The following FGF14 variants were observed in gnomAD, a reference collection of about 807,000 sequenced individuals.
FGF14 encodes the protein fibroblast growth factor 14.
In FGF14, 5 loss-of-function variants were observed where a neutral mutation model predicts 25.5. That is an observed-to-expected ratio of 0.20 (90% CI 0.10 to 0.41). The LOEUF is 0.41. Ranked by LOEUF, FGF14 falls within the 10% of genes least tolerant of loss-of-function variation. FGF14 has a pLI of 1.00. For synonymous variants in FGF14, 138 were observed against 118.3 expected (o/e 1.17, Z -1.08); for missense variants, 222 against 320.1 (o/e 0.69, Z 2.34).
At chr13:102,110,268 G>A (rs1259852918) in intron 1 of FGF14, among the ~76,000 whole-genome samples, 1 of 152,146 alleles carries the variant, frequency 6.6e-6, no homozygotes, top group Non-Finnish European at 1.5e-5. Context: ...CCAAAGCTGT[G>A]CACAGTGTTT....
In FGF14 at chr13:101,975,814, C is replaced by A. The variant is rs900889599; in HGVS notation, c.209-100518G>T. On this transcript the variant is annotated intron_variant, in intron 1 of 4. Transcript: ENST00000376131. The stretch of plus-strand genomic sequence containing the variant: ...AGCACAGGTTTCATAAAGCCCTTGA[C>A]CCTTCCATCACTATATCCTGTTTTT... 7.9e-5 allele frequency among the ~76,000 whole-genome samples: 12 copies of A among 152,182 alleles called. 1 individual carries two copies. The highest frequency in any genetic ancestry group is 2.9e-5 in the Non-Finnish European group (2 of 68,032).
chr13:102,333,387 C>T (rs2056692286), intron 1 of FGF14, among the ~76,000 whole-genome samples: 2 of 152,002 alleles, frequency 1.3e-5, no homozygotes, highest in South Asian at 4.1e-4. Context: ...GAAAGCTGGC[C>T]CATAAAACAG....
At chr13:102,312,607 G>C (rs1266892055) in intron 1 of FGF14, among the ~76,000 whole-genome samples, 6 of 152,176 alleles carry the variant, frequency 3.9e-5, no homozygotes, top group Non-Finnish European at 7.3e-5. Context: ...ATTAATCCTA[G>C]TGCTGTTAGG....
intron 1 of FGF14, among the ~76,000 whole-genome samples, chr13:102,022,173 CT>C (rs1438754895): frequency 6.6e-6 from 1 of 152,038 alleles, no homozygotes; most frequent in Non-Finnish European, 1.5e-5. Flanking sequence ...AAAGAGCTTC[CT>C]TTTTAATCTG....
chr13:101,992,773 A>G (rs2038975527), intron 1 of FGF14, among the ~76,000 whole-genome samples: 1 of 152,106 alleles, frequency 6.6e-6, no homozygotes, highest in Admixed American at 6.6e-5. Flanking sequence ...GTCAATAGAA[A>G]TTTCCAAAAT....
At chr13:102,159,944 A>G (rs993516853) in intron 1 of FGF14, among the ~76,000 whole-genome samples, 1 of 152,168 alleles carries the variant, frequency 6.6e-6, no homozygotes, top group Admixed American at 6.5e-5. Flanking sequence ...ACTCCTAAAT[A>G]TGCTATGTCA....
intron 1 of FGF14, among the ~76,000 whole-genome samples, chr13:102,299,061 A>C (rs1428142042): frequency 1.3e-5 from 2 of 152,154 alleles, no homozygotes; most frequent in Non-Finnish European, 2.9e-5. Context: ...TTTCTCAATG[A>C]TGGTGATAAA....
intron 1 of FGF14, among the ~76,000 whole-genome samples, chr13:102,251,604 C>T (rs1314414664): frequency 1.3e-5 from 2 of 152,130 alleles, no homozygotes; most frequent in Non-Finnish European, 2.9e-5. Flanking sequence ...GTAGAGATGC[C>T]AGCCATCGAG....
At chr13:101,930,440 T>C (rs1225027792) in intron 1 of FGF14, among the ~76,000 whole-genome samples, 2 of 152,206 alleles carry the variant, frequency 1.3e-5, no homozygotes, top group African/African-American at 4.8e-5. Flanking sequence ...CATATCCTAG[T>C]GTTAATACTG....
At chr13:102,249,531 T>C (rs2052057129) in intron 1 of FGF14, among the ~76,000 whole-genome samples, 2 of 149,616 alleles carry the variant, frequency 1.3e-5, no homozygotes, top group Non-Finnish European at 3.0e-5. Context: ...CAGAGAATTA[T>C]GGTATGGTAC....
At chr13:102,096,256 T>G (rs2044394604) in intron 1 of FGF14, among the ~76,000 whole-genome samples, 1 of 152,072 alleles carries the variant, frequency 6.6e-6, no homozygotes, top group Non-Finnish European at 1.5e-5. Flanking sequence ...ATGCTGATGA[T>G]GCTGATGTCC....
intron 3 of FGF14, among the ~76,000 whole-genome samples, chr13:101,866,074 T>C (rs887506336): frequency 6.6e-6 from 1 of 151,970 alleles, no homozygotes; most frequent in Non-Finnish European, 1.5e-5. Context: ...TTAAATGTAA[T>C]AAATATAAAA....
chr13:102,281,657 T>G (rs2053837651), intron 1 of FGF14, among the ~76,000 whole-genome samples: 1 of 152,064 alleles, frequency 6.6e-6, no homozygotes, highest in Admixed American at 6.5e-5. Context: ...TCTGTTTATC[T>G]TACGTATTCC....
chr13:102,169,701 C>A (rs2048168088), intron 1 of FGF14, among the ~76,000 whole-genome samples: 1 of 152,002 alleles, frequency 6.6e-6, no homozygotes, highest in Non-Finnish European at 1.5e-5. Flanking sequence ...CTGCTTAAAA[C>A]CTCCACTCAA....
chr13:101,859,629 C>T (rs535622235), intron 3 of FGF14, among the ~76,000 whole-genome samples: 1 of 152,076 alleles, frequency 6.6e-6, no homozygotes, highest in Non-Finnish European at 1.5e-5. Context: ...TCTTGCAAAC[C>T]CTTTTGTTAG....
intron 1 of FGF14, among the ~76,000 whole-genome samples, chr13:102,207,889 T>C (rs2050002987): frequency 6.6e-6 from 1 of 152,172 alleles, no homozygotes; most frequent in Non-Finnish European, 1.5e-5. Flanking sequence ...AGTTCCTCCA[T>C]CTACACTACA....
intron 1 of FGF14, among the ~76,000 whole-genome samples, chr13:102,124,512 T>C (rs1297548563): frequency 6.6e-6 from 1 of 152,114 alleles, no homozygotes; most frequent in East Asian, 1.9e-4. Context: ...TGGAAGGTTT[T>C]GGTATTCACT....
At chr13:102,387,949 C>T (rs140137645) in intron 1 of FGF14, among the ~76,000 whole-genome samples, 36 of 152,158 alleles carry the variant, frequency 2.4e-4, no homozygotes, top group African/African-American at 8.2e-4. Flanking sequence ...AGGATGGTCT[C>T]GATCTCTTGA....
At chr13:102,157,782 G>A (rs1160313759) in intron 1 of FGF14, among the ~76,000 whole-genome samples, 1 of 152,056 alleles carries the variant, frequency 6.6e-6, no homozygotes, top group African/African-American at 2.4e-5. Context: ...TCTGACAAAG[G>A]GCTAATATCC....
Sources: gnomAD v4.1 joint callset for allele counts (sites outside exome capture counted in the v4.1 genomes callset) on GRCh38, gnomAD v4.1.1 for gene constraint, MANE v1.5 for transcripts, NCBI Gene and HGNC (gene_info 2026-07-23, HGNC 2026-07-21) for gene names.